Variants in NFIB observed in about 807,000 individuals in gnomAD.
NFIB encodes the protein nuclear factor I B.
A neutral mutation model predicts 61.5 loss-of-function variants in NFIB; 11 were observed. The ratio of observed to expected loss-of-function variants is 0.18; its 90% CI spans 0.11 to 0.30. The LOEUF is 0.30. NFIB is among the 10% of genes least tolerant of loss of function. The probability of loss-of-function intolerance (pLI) is 1.00; values close to 1 mark genes in which losing one functional copy is unlikely to be tolerated. For missense variants in NFIB, 471 were observed against 608.9 expected, an observed-to-expected ratio of 0.77 and a Z score of 2.38; for synonymous variants, 260 against 216.5, an observed-to-expected ratio of 1.20 and a Z score of -1.76.
intron 1 of NFIB, among the ~76,000 whole-genome samples, chr9:14,334,275 T>TCCC (rs1373491356): frequency 1.8e-4 from 27 of 152,210 alleles, no homozygotes; most frequent in Non-Finnish European, 1.5e-4. Context: ...GTGGTAAATT[T>TCCC]TCGTAGACAA....
chr9:14,431,501 G>T, the NFIB span, among the ~76,000 whole-genome samples: 1 of 152,170 alleles, frequency 6.6e-6, no homozygotes, highest in Non-Finnish European at 1.5e-5. Flanking sequence ...ATGATTTGTT[G>T]CATGCCTGCC....
intron 2 of NFIB, among the ~76,000 whole-genome samples, chr9:14,286,386 C>A (rs893502772): frequency 6.6e-6 from 1 of 152,136 alleles, no homozygotes; most frequent in East Asian, 1.9e-4. Context: ...AAGCTACATG[C>A]TACAAGATGT....
At chr9:14,385,415 G>T (rs994586479) in intron 1 of NFIB, among the ~76,000 whole-genome samples, 2 of 152,206 alleles carry the variant, frequency 1.3e-5, no homozygotes, top group Non-Finnish European at 2.9e-5. Context: ...TACAGAGGGG[G>T]TTGGGAGGCC....
intron 9 of NFIB, among the ~76,000 whole-genome samples, chr9:14,114,947 T>C (rs747232092): frequency 3.5e-4 from 54 of 152,354 alleles, no homozygotes; most frequent in Non-Finnish European, 5.9e-4. Flanking sequence ...GTAATGCACA[T>C]AGCAAACCTC....
the NFIB span, among the ~76,000 whole-genome samples, chr9:14,492,334 G>T: frequency 6.6e-6 from 1 of 151,956 alleles, no homozygotes; most frequent in Non-Finnish European, 1.5e-5. Context: ...CTGCACTCCA[G>T]CCTGGGTGAC....
the NFIB span, among the ~76,000 whole-genome samples, chr9:14,529,768 A>G: frequency 6.6e-6 from 1 of 152,350 alleles, no homozygotes; most frequent in South Asian, 2.1e-4. Context: ...CGTACTCTTC[A>G]TGTAACCTAA....
At chr9:14,344,090 G>C (rs554924421) in intron 1 of NFIB, among the ~76,000 whole-genome samples, 20 of 142,564 alleles carry the variant, frequency 1.4e-4, no homozygotes, top group South Asian at 6.4e-4. Flanking sequence ...CCTTTAAAGA[G>C]AGGGAGAGAG....
intron 2 of NFIB, among the ~76,000 whole-genome samples, chr9:14,254,595 C>T (rs59613598): frequency 0.055 from 8,338 of 152,230 alleles, 335 homozygotes; most frequent in African/African-American, 0.12. Flanking sequence ...CTCCCGTGCA[C>T]TGGTTCTCTA....
chr9:14,261,328 C>A (rs1287516185), intron 2 of NFIB, among the ~76,000 whole-genome samples: 1 of 152,046 alleles, frequency 6.6e-6, no homozygotes, highest in African/African-American at 2.4e-5. Context: ...AAAAAAAAGA[C>A]TGAAAAGGCA....
chr9:14,492,615 G>A, the NFIB span, among the ~76,000 whole-genome samples: 6 of 151,952 alleles, frequency 3.9e-5, no homozygotes, highest in Admixed American at 2.0e-4. Flanking sequence ...TTAAATGACC[G>A]GATCTCACGG....
chr9:14,228,442 C>A (rs755522920), intron 2 of NFIB, among the ~76,000 whole-genome samples: 1 of 152,034 alleles, frequency 6.6e-6, no homozygotes, highest in African/African-American at 2.4e-5. Context: ...GTCATCTACC[C>A]GCCTCAGCCT....
At position 14,307,644 on chromosome 9, in the gene NFIB, A is replaced by G; in HGVS notation, c.31-124T>C. 1.1e-6 allele frequency: 1 copy of G among 906,050 alleles called. No individual in the cohort carries two copies. Among genetic ancestry groups the G allele is most frequent in the East Asian group, 2.7e-5 (1 of 36,730 alleles). The allele number at this position is 906,050 out of a possible 1,614,324, so 56.1% of individuals were successfully genotyped here. The stretch of plus-strand genomic sequence containing the variant: ...AGTACAAAAAGTTATACATGAAAAT[A>G]ACATTCCTTTCTTATTTAAAATTAT... On this transcript the variant is annotated intron_variant, in intron 1 of 10. Coordinates refer to ENST00000380953, the MANE Select transcript of NFIB (RefSeq NM_001190737.2). The surrounding 1 kb of genome is among the most constrained non-coding windows in gnomAD (Gnocchi z 5.3).
the NFIB span, among the ~76,000 whole-genome samples, chr9:14,416,248 T>C: frequency 6.6e-6 from 1 of 152,240 alleles, no homozygotes; most frequent in East Asian, 1.9e-4. Flanking sequence ...TAGTATTTAC[T>C]CTACTTTTTA....
the NFIB span, among the ~76,000 whole-genome samples, chr9:14,512,267 G>C: frequency 6.6e-6 from 1 of 152,144 alleles, no homozygotes; most frequent in Non-Finnish European, 1.5e-5. Flanking sequence ...AACTTTTAGA[G>C]GGGTTCAGAG....
chr9:14,316,682 GACAC>G (rs140397546), upstream of NFIB, among the ~76,000 whole-genome samples: 1 of 151,670 alleles, frequency 6.6e-6, no homozygotes, highest in African/African-American at 2.4e-5. Flanking sequence ...AACACACACA[GACAC>G]ACACACACAG....
At chr9:14,107,214 T>C (rs2036688614) in intron 10 of NFIB, among the ~76,000 whole-genome samples, 1 of 151,946 alleles carries the variant, frequency 6.6e-6, no homozygotes. Context: ...GCAAATTAAA[T>C]GGTCTCTGGA....
At chr9:14,406,031 G>A in the NFIB span, among the ~76,000 whole-genome samples, 8 of 152,172 alleles carry the variant, frequency 5.3e-5, no homozygotes, top group Non-Finnish European at 1.5e-5. Flanking sequence ...ATTAAAATAG[G>A]CTTTGGGCCA....
intron 1 of NFIB, among the ~76,000 whole-genome samples, chr9:14,334,785 G>A (rs2132857509): frequency 6.6e-6 from 1 of 152,272 alleles, no homozygotes; most frequent in Non-Finnish European, 1.5e-5. Context: ...CCACCATCAA[G>A]ATAGGCAACA....
chr9:14,182,060 G>T (rs771263111), intron 2 of NFIB, among the ~76,000 whole-genome samples: 7 of 152,152 alleles, frequency 4.6e-5, no homozygotes, highest in Non-Finnish European at 1.0e-4. Context: ...CTAGAACAAT[G>T]GCATCCCCTG....
Sources: gnomAD v4.1 joint callset for allele counts (sites outside exome capture counted in the v4.1 genomes callset) on GRCh38, gnomAD v4.1.1 for gene constraint, Gnocchi (gnomAD v3.1) non-coding constraint, MANE v1.5 for transcripts, NCBI Gene and HGNC (gene_info 2026-07-23, HGNC 2026-07-21) for gene names.